CHKA: variants seen among roughly 807,000 people sequenced by gnomAD.
CHKA encodes choline kinase alpha.
CHKA carries 34 observed loss-of-function variants against 60.1 expected under a neutral mutation model. The ratio of observed to expected loss-of-function variants is 0.57; its 90% CI spans 0.43 to 0.75. The LOEUF (loss-of-function observed/expected upper bound fraction) is 0.75. Ranked by LOEUF, CHKA falls within the 30% of genes least tolerant of loss-of-function variation. The probability of loss-of-function intolerance (pLI) is 0.00; values close to 1 mark genes in which losing one functional copy is unlikely to be tolerated. For missense variants in CHKA, 563 were observed against 561.3 expected (o/e 1.00, Z -0.03); for synonymous variants, 217 against 223.1 (o/e 0.97, Z 0.24).
intron 10 of CHKA, among the ~76,000 whole-genome samples, chr11:68,063,838 G>A (rs576127699): frequency 1.8e-4 from 28 of 152,080 alleles, no homozygotes; most frequent in Non-Finnish European, 3.7e-4. Flanking sequence ...CTCTCCTGGC[G>A]CCATGTAAGA....
At chr11:68,084,354 A>G (rs1857099165) in intron 2 of CHKA, among the ~76,000 whole-genome samples, 1 of 139,294 alleles carries the variant, frequency 7.2e-6, no homozygotes, top group Non-Finnish European at 1.6e-5. Context: ...ATGTGTATAT[A>G]TATATACACA....
chr11:68,109,324 C>T (rs377237146), intron 1 of CHKA, among the ~76,000 whole-genome samples: 15 of 152,140 alleles, frequency 9.9e-5, no homozygotes, highest in East Asian at 5.8e-4. Context: ...CTCCTGACCT[C>T]GTGATCCTCC....
intron 6 of CHKA, among the ~76,000 whole-genome samples, chr11:68,069,650 C>T (rs936114299): frequency 2.0e-5 from 3 of 150,760 alleles, no homozygotes; most frequent in African/African-American, 2.4e-5. Context: ...CGCCACTGCA[C>T]TCCAGCCTGG....
At chr11:68,096,792 G>A (rs188339124) in intron 2 of CHKA, among the ~76,000 whole-genome samples, 15 of 152,138 alleles carry the variant, frequency 9.9e-5, no homozygotes, top group African/African-American at 3.6e-4. Flanking sequence ...GTAAAACTGG[G>A]AATACTTGCA....
intron 6 of CHKA, 41 bp from the exon 7 acceptor site, chr11:68,068,978 G>C (rs753481202): frequency 1.3e-6 from 2 of 1,502,792 alleles, no homozygotes; most frequent in Non-Finnish European, 9.2e-7. Flanking sequence ...ACGCTTCTCA[G>C]TCAGCTGCAC....
chr11:68,072,750 A>G (rs997874928), intron 4 of CHKA, among the ~76,000 whole-genome samples: 8 of 151,994 alleles, frequency 5.3e-5, no homozygotes, highest in African/African-American at 1.9e-4. Context: ...CTGGTGACTT[A>G]GGAGGCTGAG....
At chr11:68,079,843 C>G (rs183529054) in intron 3 of CHKA, among the ~76,000 whole-genome samples, 1 of 152,224 alleles carries the variant, frequency 6.6e-6, no homozygotes, top group Admixed American at 6.5e-5. Context: ...AAGAATGTAG[C>G]GGCCCTTTGG....
chr11:68,059,253 G>C (rs750465043), intron 11 of CHKA, among the ~76,000 whole-genome samples: 4 of 152,128 alleles, frequency 2.6e-5, no homozygotes, highest in Non-Finnish European at 4.4e-5. Flanking sequence ...TCTAGTCCTA[G>C]TTTGCTGAGA....
intron 4 of CHKA, among the ~76,000 whole-genome samples, chr11:68,071,605 A>G (rs1389418434): frequency 1.3e-5 from 2 of 152,264 alleles, no homozygotes; most frequent in Non-Finnish European, 2.9e-5. Flanking sequence ...GGTTTCTGTG[A>G]AAATGCAAAG....
rs979307464 is a variant in CHKA, at chr11:68,074,832, TA to T, written c.517-3del. 3 of 1,614,042 alleles carry T rather than the reference TA, an allele frequency of 1.9e-6. No individual in the cohort carries two copies. The highest frequency in any genetic ancestry group is 4.5e-5 in the East Asian group (2 of 44,882). On this transcript the variant is annotated splice_polypyrimidine_tract_variant and splice_region_variant and intron_variant, in intron 3 of 11. Transcript: ENST00000265689. ...CTCCAGAACCATGGCCTCAGCCCCC[TA>T]AAACAGATGGCAACAAATCAGGTGT...
In CHKA at chr11:68,073,652, A is replaced by G. The variant is rs1294874085; in HGVS notation, c.630+1065T>C. The stretch of plus-strand genomic sequence containing the variant: ...CTAGAAGAGGATACCTCTTCTGGGG[A>G]GACAGAGCACAACTAGCCTCTCTGT... On this transcript the variant is annotated intron_variant, in intron 4 of 11. Transcript: ENST00000265689. Among the ~76,000 whole-genome samples, 7 of 152,272 alleles carry G rather than the reference A, an allele frequency of 4.6e-5. No homozygotes were observed. In the South Asian group the frequency reaches 1.2e-3, roughly 27 times the overall value.
chr11:68,117,220 C>A (rs940011704), intron 1 of CHKA, among the ~76,000 whole-genome samples: 2 of 152,084 alleles, frequency 1.3e-5, no homozygotes, highest in Admixed American at 1.3e-4. Flanking sequence ...TTAAAGGAAA[C>A]ACACCAAGGG....
At chr11:68,073,111 T>C (rs1212209444) in intron 4 of CHKA, among the ~76,000 whole-genome samples, 1 of 152,218 alleles carries the variant, frequency 6.6e-6, no homozygotes, top group Non-Finnish European at 1.5e-5. Flanking sequence ...CTGCCCTTTT[T>C]GTCCCCAAGA....
intron 2 of CHKA, among the ~76,000 whole-genome samples, chr11:68,095,030 C>T (rs1393096858): frequency 1.3e-5 from 2 of 151,790 alleles, no homozygotes; most frequent in African/African-American, 2.4e-5. Context: ...TGAAATAGGC[C>T]GGTCTTTTAA....
At chr11:68,098,263 T>A (rs1255497886) in intron 1 of CHKA, among the ~76,000 whole-genome samples, 1 of 107,862 alleles carries the variant, frequency 9.3e-6, no homozygotes, top group South Asian at 3.3e-4. Flanking sequence ...AGAGTGAGAC[T>A]CCTATCTCAA....
chr11:68,093,513 C>CT (rs1857414287), intron 2 of CHKA, among the ~76,000 whole-genome samples: 1 of 152,208 alleles, frequency 6.6e-6, no homozygotes, highest in African/African-American at 2.4e-5. Context: ...TTTTAAGTGG[C>CT]TTAAATTATT....
chr11:68,109,879 G>T (rs1008066317), intron 1 of CHKA, among the ~76,000 whole-genome samples: 1 of 152,106 alleles, frequency 6.6e-6, no homozygotes, highest in African/African-American at 2.4e-5. Context: ...TTGAATCCAG[G>T]GAGTAGAGGT....
chr11:68,101,591 C>T (rs544933181), intron 1 of CHKA, among the ~76,000 whole-genome samples: 1 of 151,680 alleles, frequency 6.6e-6, no homozygotes, highest in Non-Finnish European at 1.5e-5. Context: ...CCACTGCATG[C>T]CAGCTAATAG....
intron 1 of CHKA, among the ~76,000 whole-genome samples, chr11:68,098,973 C>T (rs1343931475): frequency 6.6e-6 from 1 of 152,182 alleles, no homozygotes; most frequent in Non-Finnish European, 1.5e-5. Context: ...GCACACCATG[C>T]CTGACCTTAT....
Sources: allele counts gnomAD v4.1 joint callset (sites outside exome capture counted in the v4.1 genomes callset), GRCh38; gene constraint gnomAD v4.1.1; transcripts MANE v1.5; gene names NCBI Gene and HGNC (gene_info 2026-07-23, HGNC 2026-07-21).